The following NKTR variants were observed in gnomAD, a reference collection of about 807,000 sequenced individuals.
The protein encoded by NKTR is NK-tumor recognition protein.
In NKTR, 67 loss-of-function variants were observed where a neutral mutation model predicts 156.3. The ratio of observed to expected loss-of-function variants is 0.43; its 90% CI spans 0.35 to 0.53. The LOEUF is 0.53. Among genes scored for constraint, NKTR ranks in the 20% least tolerant of loss-of-function variants. NKTR has a pLI of 0.01. For missense variants in NKTR, 1,604 were observed against 1,730.9 expected, an observed-to-expected ratio of 0.93 and a Z score of 1.30; for synonymous variants, 640 against 596.6, an observed-to-expected ratio of 1.07 and a Z score of -1.06.
At chr3:42,644,783 C>G (rs1178670487) in intron 16 of NKTR, among the ~76,000 whole-genome samples, 1 of 152,018 alleles carries the variant, frequency 6.6e-6, no homozygotes, top group Non-Finnish European at 1.5e-5. Context: ...ATGGCCAGTT[C>G]CCATCTACCC....
intron 2 of NKTR, among the ~76,000 whole-genome samples, chr3:42,608,427 C>T (rs1031969263): frequency 6.6e-6 from 1 of 152,072 alleles, no homozygotes; most frequent in Non-Finnish European, 1.5e-5. Flanking sequence ...TCAGGAACAA[C>T]CAAACAGAAG....
chr3:42,605,662 A>G (rs1706163382), intron 2 of NKTR, among the ~76,000 whole-genome samples: 1 of 152,222 alleles, frequency 6.6e-6, no homozygotes, highest in African/African-American at 2.4e-5. Flanking sequence ...CGAGTGAGGT[A>G]TATGGGATCT....
chr3:42,632,508 A>G (rs550947118), intron 8 of NKTR, 93 bp from the exon 9 acceptor site: 1 of 749,308 alleles, frequency 1.3e-6, no homozygotes, highest in South Asian at 2.0e-5. Flanking sequence ...CTGTATGTAA[A>G]GCATATTTTA....
At position 42,634,709 on chromosome 3, in the gene NKTR, G is replaced by A. The variant is rs776936637; in HGVS notation, c.1017+9G>A. 5 of 1,508,386 alleles carry A rather than the reference G, an allele frequency of 3.3e-6. No homozygotes were observed. In the Admixed American group the frequency reaches 5.9e-5, roughly 18 times the overall value. 93.4% of individuals were successfully genotyped at this position (1,508,386 alleles called of 1,614,324 possible). The stretch of plus-strand genomic sequence containing the variant: ...AAGGAAGGGGCACAATTGTATGTGT[G>A]ATAAGACTTTTTTTGATATTATGTA... On this transcript the variant is annotated intron_variant, in intron 11 of 16. Transcript: ENST00000232978.
intron 5 of NKTR, chr3:42,620,951 A>AT (rs1049202477): frequency 3.3e-6 from 3 of 900,852 alleles, no homozygotes; most frequent in Non-Finnish European, 4.0e-6. Context: ...ATATAACATA[A>AT]TTTTTTTGTC....
chr3:42,638,250 C>T lies in NKTR; in HGVS notation c.2546C>T (p.Ser849Phe). The T allele has an allele frequency of 1.2e-6, 2 of 1,612,938 alleles. No homozygotes were observed. Among genetic ancestry groups the T allele is most frequent in the Non-Finnish European group, 8.5e-7 (1 of 1,179,792 alleles). ...AACAGAGGTGAAGAAAAATCCAAGT[C>T]TGAACGGGAATGCCCTCATTCAAAA... ...EKNRGEEKSK[S>F]ERECPHSKKR... Residue 849 changes from serine to phenylalanine, a missense_variant, in exon 13 of 17, where the codon TCT (serine) becomes TTT (phenylalanine). Around this residue, in one of 6 missense-constraint regions of NKTR, gnomAD observed 1,255 missense variants for 1,243.7 expected, o/e 1.01. Coordinates refer to ENST00000232978, the MANE Select transcript of NKTR (RefSeq NM_005385.4).
In NKTR at chr3:42,637,550, C is replaced by G; in HGVS notation, c.1846C>G (p.Pro616Ala). 3 of 1,613,928 alleles carry G rather than the reference C, an allele frequency of 1.9e-6. No individual in the cohort carries two copies. The highest frequency in any genetic ancestry group is 1.1e-5 in the South Asian group (1 of 90,994). The change falls in exon 13 of 17, where the codon CCT (proline) becomes GCT (alanine). Residue 616 changes from proline (P) to alanine (A), a missense_variant. This residue lies in a region of NKTR where 1,255 missense variants were observed against 1,243.7 expected (regional missense o/e 1.01). Coordinates refer to ENST00000232978, the MANE Select transcript of NKTR (RefSeq NM_005385.4). ...PVIPLSDSPP[P>A]SRWKPGQKPW... Reference sequence around the variant, plus strand: ...AATACCACTGAGTGACAGTCCCCCCCCTTCAAGATGGAAGCCTGGACAGAA... The same window carrying G: ...AATACCACTGAGTGACAGTCCCCCCGCTTCAAGATGGAAGCCTGGACAGAA...
At chr3:42,611,483 C>G (rs1400466975) in intron 2 of NKTR, among the ~76,000 whole-genome samples, 1 of 151,976 alleles carries the variant, frequency 6.6e-6, no homozygotes, top group African/African-American at 2.4e-5. Context: ...CCTGTAATCC[C>G]AGCACTCTGG....
intron 13 of NKTR, among the ~76,000 whole-genome samples, chr3:42,641,601 C>T (rs1011611211): frequency 5.9e-5 from 9 of 152,062 alleles, no homozygotes; most frequent in African/African-American, 1.7e-4. Context: ...ATCTTTGGGC[C>T]GGGTGTGGTG....
At chr3:42,620,725 C>T (rs1707832500) in intron 5 of NKTR, 1 of 983,756 alleles carries the variant, frequency 1.0e-6, no homozygotes, top group African/African-American at 1.8e-5. Context: ...TTCCTTTGAA[C>T]TAGTAGGAAA....
At position 42,618,351 on chromosome 3, in the gene NKTR, CAA is replaced by C. The variant is rs370572858; in HGVS notation, c.134-651_134-650del. Among the ~76,000 whole-genome samples the C allele has an allele frequency of 1.0e-3, 74 of 73,766 alleles. 1 individual carries two copies. The highest frequency in any genetic ancestry group is 0.01 in the Middle Eastern group (1 of 96). The allele number at this position is 73,766 out of a possible 152,430, so 48.4% of individuals were successfully genotyped here. A position where few individuals can be genotyped will look rare whatever the true frequency, so the allele number is the denominator to read the frequency against. ...GGGGGACAAGAGCCAGACTTTGTCT[CAA>C]AAAAAAAAAAAAAAAAATTAGAACA... On this transcript the variant is annotated intron_variant, in intron 3 of 16. Coordinates refer to ENST00000232978, the MANE Select transcript of NKTR (RefSeq NM_005385.4).
At chr3:42,604,764 C>T (rs1002694758) in intron 2 of NKTR, among the ~76,000 whole-genome samples, 1 of 139,736 alleles carries the variant, frequency 7.2e-6, no homozygotes, top group South Asian at 2.4e-4. Context: ...TCTTGGCTCA[C>T]CACACCCTCT....
chr3:42,617,351 G>A (rs1707472027), intron 2 of NKTR, among the ~76,000 whole-genome samples: 1 of 152,130 alleles, frequency 6.6e-6, no homozygotes, highest in Non-Finnish European at 1.5e-5. Flanking sequence ...TTTGGGGCTG[G>A]AACCAATTTG....
chr3:42,606,485 A>C (rs983168986), intron 2 of NKTR, among the ~76,000 whole-genome samples: 11 of 151,968 alleles, frequency 7.2e-5, no homozygotes, highest in Non-Finnish European at 1.2e-4. Flanking sequence ...TAGACCTTTG[A>C]TTTTGGTCCC....
At chr3:42,640,808 A>C (rs1477376211) in intron 13 of NKTR, among the ~76,000 whole-genome samples, 2 of 152,114 alleles carry the variant, frequency 1.3e-5, no homozygotes, top group African/African-American at 2.4e-5. Flanking sequence ...TCTCCCACTC[A>C]GGCCATTTCG....
chr3:42,635,201 T>A lies in NKTR; in HGVS notation c.1018-20T>A, dbSNP rs561527154. 6.2e-7 allele frequency: 1 copy of A among 1,604,148 alleles called. No individual in the cohort carries two copies. The highest frequency in any genetic ancestry group is 1.1e-5 in the South Asian group (1 of 89,580). On this transcript the variant is annotated intron_variant, in intron 11 of 16. Transcript: ENST00000232978. Reference sequence around the variant, plus strand: ...CGTGGAGAGGCATTTTTTAAAATACTATTGTTTTTGTTTTTAAAGCGCTAT... The same window carrying A: ...CGTGGAGAGGCATTTTTTAAAATACAATTGTTTTTGTTTTTAAAGCGCTAT...
chr3:42,603,304 G>A (rs1705771552), intron 2 of NKTR, among the ~76,000 whole-genome samples: 1 of 146,702 alleles, frequency 6.8e-6, no homozygotes, highest in African/African-American at 2.5e-5. Flanking sequence ...AGGCTGCCAT[G>A]AGCTATGATT....
chr3:42,621,152 A>G, intron 5 of NKTR: 1 of 1,021,594 alleles, frequency 9.8e-7, no homozygotes, highest in Non-Finnish European at 1.2e-6. Flanking sequence ...AATATCATTT[A>G]GCCAAAGTAT....
chr3:42,635,472 ACAGT>A (rs1290286360), intron 12 of NKTR, 106 bp downstream of exon 12: 1 of 870,008 alleles, frequency 1.1e-6, no homozygotes, highest in Non-Finnish European at 1.7e-6. Flanking sequence ...TGAAAGATTC[ACAGT>A]CAGACTGTGA....
Sources: allele counts gnomAD v4.1 joint callset (sites outside exome capture counted in the v4.1 genomes callset), GRCh38; gene constraint gnomAD v4.1.1; regional missense constraint gnomAD v4.1.1; transcripts MANE v1.5; gene names NCBI Gene and HGNC (gene_info 2026-07-23, HGNC 2026-07-21).